Variants in DEPDC5 observed in about 807,000 individuals in gnomAD.
The protein encoded by DEPDC5 is GATOR1 complex protein DEPDC5.
A neutral mutation model predicts 217.3 loss-of-function variants in DEPDC5; 73 were observed. That is an observed-to-expected ratio of 0.34 (90% CI 0.28 to 0.41). DEPDC5 has a LOEUF of 0.41. DEPDC5 is among the 10% of genes least tolerant of loss of function. DEPDC5 has a pLI of 1.00. For missense variants in DEPDC5, 1,675 were observed against 2,070.1 expected (o/e 0.81, Z 3.70); for synonymous variants, 733 against 756.7 (o/e 0.97, Z 0.51).
At chr22:31,857,582 G>A (rs757702326) in intron 32 of DEPDC5, 29 bp downstream of exon 32, 13 of 1,568,298 alleles carry the variant, frequency 8.3e-6, no homozygotes, top group Middle Eastern at 1.8e-4. Context: ...GCAGGGAGCT[G>A]TTCTGTGCTC....
chr22:31,844,405 A>G (rs1448956993), intron 29 of DEPDC5, among the ~76,000 whole-genome samples: 1 of 152,138 alleles, frequency 6.6e-6, no homozygotes, highest in Non-Finnish European at 1.5e-5. Flanking sequence ...AAAAAATAAA[A>G]TAGGTTAATG....
chr22:31,906,451 C>T lies in DEPDC5; in HGVS notation c.4766C>T (p.Thr1589Met), dbSNP rs1477922253. 1.9e-6 allele frequency: 3 copies of T among 1,614,042 alleles called. No individual in the cohort carries two copies. Among genetic ancestry groups the T allele is most frequent in the East Asian group, 2.2e-5 (1 of 44,888 alleles). ...ATCAACCGTGACAACCGGCTGGTCA[C>T]GTTCTGGACAAGTTGCCTGGAGAAG... The part of the protein sequence containing the change: ...FCINRDNRLV[T>M]FWTSCLEKMH... The change falls in exon 43 of 43, where the codon ACG becomes ATG. Residue 1589 changes from threonine to methionine, a missense_variant. By Grantham distance (81) the Thr-to-Met change is moderately conservative (BLOSUM62 -1). Transcript: ENST00000651528. The surrounding 1 kb of genome is among the most constrained non-coding windows in gnomAD (Gnocchi z 5.1).
intron 34 of DEPDC5, chr22:31,873,034 C>T (rs2092892445): frequency 6.3e-6 from 5 of 788,968 alleles, no homozygotes; most frequent in Middle Eastern, 2.7e-4. Flanking sequence ...GGATTACAGA[C>T]GTAAGCCACC....
chr22:31,814,818 C>G (rs985572842), intron 20 of DEPDC5, 174 bp from the exon 21 acceptor site: 1 of 626,690 alleles, frequency 1.6e-6, no homozygotes, highest in African/African-American at 1.8e-5. Context: ...TCTTATATAA[C>G]ATCTCAAGCT....
intron 24 of DEPDC5, among the ~76,000 whole-genome samples, chr22:31,830,876 C>T (rs988085517): frequency 2.0e-5 from 3 of 151,880 alleles, no homozygotes; most frequent in African/African-American, 7.3e-5. Context: ...GCAAACTTGG[C>T]AGCCAAACCT....
intron 31 of DEPDC5, chr22:31,853,444 C>T (rs1203507010): frequency 6.6e-6 from 1 of 152,220 alleles, no homozygotes; most frequent in East Asian, 1.9e-4. Context: ...TAGAGGGAAC[C>T]AGACATTTAT....
At chr22:31,890,789 G>A (rs1370245296) in intron 38 of DEPDC5, among the ~76,000 whole-genome samples, 3 of 151,210 alleles carry the variant, frequency 2.0e-5, no homozygotes, top group Admixed American at 1.3e-4. Context: ...GCAATGGTGC[G>A]ATCTCGGCTC....
chr22:31,842,050 A>T (rs1195230734), intron 27 of DEPDC5, among the ~76,000 whole-genome samples: 1 of 152,250 alleles, frequency 6.6e-6, no homozygotes, highest in African/African-American at 2.4e-5. Context: ...AATACTGGAC[A>T]TGGCACTTTA....
intron 27 of DEPDC5, among the ~76,000 whole-genome samples, chr22:31,841,155 G>C (rs761933082): frequency 1.1e-4 from 17 of 152,244 alleles, no homozygotes; most frequent in Non-Finnish European, 2.4e-4. Flanking sequence ...TGGTGCCCAA[G>C]ATCACACAAG....
chr22:31,880,173 ACT>A (rs2093135617), intron 38 of DEPDC5: 1 of 201,712 alleles, frequency 5.0e-6, no homozygotes, highest in Non-Finnish European at 1.0e-5. Flanking sequence ...CATTCCAGAC[ACT>A]CATGCAGAGC....
At chr22:31,807,513 C>T (rs996631719) in intron 18 of DEPDC5, among the ~76,000 whole-genome samples, 2 of 152,202 alleles carry the variant, frequency 1.3e-5, no homozygotes, top group African/African-American at 4.8e-5. Flanking sequence ...CTTACTGCAA[C>T]TTCTGCCTCC....
chr22:31,822,921 T>C, intron 24 of DEPDC5, 131 bp downstream of exon 24: 1 of 835,488 alleles, frequency 1.2e-6, no homozygotes, highest in Non-Finnish European at 1.9e-6. Flanking sequence ...GGTGACCTAT[T>C]TAGAAACAGT....
chr22:31,837,504 G>C (rs1009408249), intron 26 of DEPDC5, among the ~76,000 whole-genome samples: 2 of 151,800 alleles, frequency 1.3e-5, no homozygotes, highest in Non-Finnish European at 2.9e-5. Context: ...GGGAGTGGCA[G>C]CACCACATCT....
chr22:31,879,935 A>T (rs2093130129), intron 38 of DEPDC5, 183 bp downstream of exon 38: 3 of 618,948 alleles, frequency 4.8e-6, no homozygotes. Context: ...GAGTGGTTTT[A>T]TGACTGTCCC....
chr22:31,867,736 G>T (rs886126654), intron 33 of DEPDC5, among the ~76,000 whole-genome samples: 12 of 152,136 alleles, frequency 7.9e-5, no homozygotes, highest in Non-Finnish European at 1.8e-4. Context: ...CTGGTCTCTT[G>T]CAAAAAATGT....
intron 20 of DEPDC5, chr22:31,814,587 T>A (rs80226580): frequency 0.033 from 6,398 of 192,590 alleles, 154 homozygotes; most frequent in South Asian, 0.052. Flanking sequence ...CTGGCAATTA[T>A]CTCTGGAAGC....
Position 31,876,263 on chromosome 22 carries a change from G to C in DEPDC5, c.3803G>C (p.Arg1268Pro). 6.2e-7 allele frequency: 1 copy of C among 1,613,284 alleles called. No homozygotes were observed. The change falls in exon 37 of 43, where the codon CGA (arginine) becomes CCA (proline). Residue 1268 changes from arginine to proline, a missense_variant and splice_region_variant. Around this residue, in one of 11 missense-constraint regions of DEPDC5, gnomAD observed 194 missense variants for 199.3 expected, o/e 0.97. Coordinates refer to ENST00000651528, the MANE Select transcript of DEPDC5 (RefSeq NM_001242896.3). ...ATAGTAACGGACAAAGAGCCCGACC[G>C]AGGTTAGAGCCGAGGCGAATGCGGT... Reference protein sequence around the residue: ...YKIVTDKEPDRVAMQQPATTW... With the variant: ...YKIVTDKEPDPVAMQQPATTW...
intron 12 of DEPDC5, among the ~76,000 whole-genome samples, chr22:31,797,337 A>G (rs554120693): frequency 6.6e-6 from 1 of 152,268 alleles, no homozygotes; most frequent in East Asian, 1.9e-4. Flanking sequence ...GCGAAGGGGA[A>G]GCAAGGCATG....
At chr22:31,807,711 C>T (rs909812094) in intron 18 of DEPDC5, among the ~76,000 whole-genome samples, 1 of 152,132 alleles carries the variant, frequency 6.6e-6, no homozygotes, top group East Asian at 1.9e-4. Flanking sequence ...GGATTATAGG[C>T]GTGAGCCACT....
Sources: allele counts gnomAD v4.1 joint callset (sites outside exome capture counted in the v4.1 genomes callset), GRCh38; gene constraint gnomAD v4.1.1; regional missense constraint gnomAD v4.1.1; non-coding constraint Gnocchi (gnomAD v3.1); transcripts MANE v1.5; gene names NCBI Gene and HGNC (gene_info 2026-07-23, HGNC 2026-07-21).